DIAPH3: variants seen among roughly 807,000 people sequenced by gnomAD.
The protein encoded by DIAPH3 is diaphanous related formin 3.
Under a neutral mutation model 144.3 loss-of-function variants are expected in DIAPH3, and 117 were observed. The ratio of observed to expected loss-of-function variants is 0.81; its 90% CI spans 0.70 to 0.95. The LOEUF (loss-of-function observed/expected upper bound fraction) is 0.95. DIAPH3 is among the 40% of genes least tolerant of loss of function. The pLI is 0.00. For synonymous variants in DIAPH3, 519 were observed against 488.9 expected, an observed-to-expected ratio of 1.06 and a Z score of -0.81; for missense variants, 1,421 against 1,412.7, an observed-to-expected ratio of 1.01 and a Z score of -0.09.
At chr13:59,843,143 G>T (rs774811619) in intron 22 of DIAPH3, among the ~76,000 whole-genome samples, 1 of 152,142 alleles carries the variant, frequency 6.6e-6, no homozygotes, top group Non-Finnish European at 1.5e-5. Context: ...TACAAAATAT[G>T]TGTCACTCAG....
intron 27 of DIAPH3, among the ~76,000 whole-genome samples, chr13:59,735,398 A>G (rs1357013914): frequency 2.0e-5 from 3 of 152,234 alleles, no homozygotes; most frequent in African/African-American, 7.2e-5. Context: ...ACACCTTACT[A>G]TGCAATCTTC....
intron 5 of DIAPH3, among the ~76,000 whole-genome samples, chr13:60,039,364 C>A (rs1043485092): frequency 8.6e-5 from 13 of 151,548 alleles, no homozygotes; most frequent in African/African-American, 3.2e-4. Flanking sequence ...AGTGCAGTGG[C>A]ATGATCTCAG....
chr13:60,079,664 GA>G (rs199710068), intron 4 of DIAPH3, among the ~76,000 whole-genome samples: 12 of 149,468 alleles, frequency 8.0e-5, no homozygotes, highest in East Asian at 3.9e-4. Flanking sequence ...TCTTATGTGG[GA>G]AAAAAAAAGT....
chr13:59,845,232 C>T (rs1048366566), intron 22 of DIAPH3, among the ~76,000 whole-genome samples: 1 of 151,764 alleles, frequency 6.6e-6, no homozygotes, highest in Non-Finnish European at 1.5e-5. Flanking sequence ...TTAGTAGAGA[C>T]GGGGTTTCAC....
chr13:59,946,389 G>C (rs149792216), intron 17 of DIAPH3, among the ~76,000 whole-genome samples: 82 of 152,230 alleles, frequency 5.4e-4, no homozygotes, highest in Admixed American at 2.2e-3. Context: ...GGAAAGTGAT[G>C]AGAGAAAAAA....
chr13:60,036,497 A>G (rs1353761841), intron 5 of DIAPH3, among the ~76,000 whole-genome samples: 2 of 152,122 alleles, frequency 1.3e-5, no homozygotes, highest in African/African-American at 2.4e-5. Flanking sequence ...ATTGAATAAC[A>G]GGAAAGAAAA....
chr13:59,851,374 C>G (rs1295787194), intron 22 of DIAPH3, among the ~76,000 whole-genome samples: 2 of 152,200 alleles, frequency 1.3e-5, no homozygotes, highest in East Asian at 3.9e-4. Flanking sequence ...CTCTCTACGA[C>G]TCTTTTATGT....
chr13:59,731,875 T>C (rs762642367), intron 27 of DIAPH3, among the ~76,000 whole-genome samples: 1 of 152,200 alleles, frequency 6.6e-6, no homozygotes, highest in Non-Finnish European at 1.5e-5. Flanking sequence ...AATTTGAAGA[T>C]TTTTAACATC....
At chr13:60,163,459 C>A in intron 1 of DIAPH3, 128 bp downstream of exon 1, 7 of 1,311,704 alleles carry the variant, frequency 5.3e-6, no homozygotes, top group Admixed American at 4.7e-5. Flanking sequence ...CGTTGTCAAT[C>A]TATGATCTTT....
intron 5 of DIAPH3, among the ~76,000 whole-genome samples, chr13:60,039,100 A>G (rs1312444870): frequency 6.6e-6 from 1 of 152,010 alleles, no homozygotes; most frequent in Non-Finnish European, 1.5e-5. Flanking sequence ...TGATCTCTAC[A>G]TCAAATCTTC....
chr13:59,925,924 T>C (rs181990888), intron 17 of DIAPH3, among the ~76,000 whole-genome samples: 6 of 152,334 alleles, frequency 3.9e-5, no homozygotes, highest in African/African-American at 1.4e-4. Flanking sequence ...CTTTTTCTTC[T>C]AATGGTTTAT....
chr13:59,798,720 A>T (rs949938067), intron 25 of DIAPH3, among the ~76,000 whole-genome samples: 1 of 152,178 alleles, frequency 6.6e-6, no homozygotes, highest in Non-Finnish European at 1.5e-5. Flanking sequence ...TGCACACCAC[A>T]TTCTTAGGCT....
intron 19 of DIAPH3, 90 bp from the exon 20 acceptor site, chr13:59,911,926 G>A (rs9570230): frequency 9.6e-7 from 1 of 1,039,714 alleles, no homozygotes; most frequent in African/African-American, 1.6e-5. Context: ...AAGAAAACCA[G>A]TGAAGTTAAT....
At chr13:59,675,340 T>C (rs2032586570) in intron 27 of DIAPH3, among the ~76,000 whole-genome samples, 1 of 152,068 alleles carries the variant, frequency 6.6e-6, no homozygotes, top group African/African-American at 2.4e-5. Flanking sequence ...AGTGCTGGAG[T>C]TACAGGTGTG....
At chr13:59,709,851 T>C (rs1264276638) in intron 27 of DIAPH3, among the ~76,000 whole-genome samples, 5 of 152,176 alleles carry the variant, frequency 3.3e-5, no homozygotes, top group African/African-American at 9.6e-5. Flanking sequence ...AACCCAAATG[T>C]CCAACAATGA....
chr13:60,084,960 T>A (rs1055804177), intron 4 of DIAPH3, among the ~76,000 whole-genome samples: 1 of 152,100 alleles, frequency 6.6e-6, no homozygotes, highest in African/African-American at 2.4e-5. Flanking sequence ...AGGATTTTTT[T>A]TTAAGTATGT....
intron 25 of DIAPH3, among the ~76,000 whole-genome samples, chr13:59,796,451 GT>G (rs2039609507): frequency 6.6e-6 from 1 of 152,038 alleles, no homozygotes; most frequent in Non-Finnish European, 1.5e-5. Context: ...ATGAGAAGTT[GT>G]CAGTCTGTTG....
At chr13:60,003,572 G>T (rs1364890161) in intron 9 of DIAPH3, among the ~76,000 whole-genome samples, 3 of 149,822 alleles carry the variant, frequency 2.0e-5, no homozygotes, top group East Asian at 1.9e-4. Context: ...GATAGATATA[G>T]ATATATATAT....
At chr13:59,725,034 G>A (rs149809760) in intron 27 of DIAPH3, among the ~76,000 whole-genome samples, 1 of 152,256 alleles carries the variant, frequency 6.6e-6, no homozygotes, top group East Asian at 1.9e-4. Flanking sequence ...GTGTTCTACT[G>A]CTAAAATCTG....
Sources: gnomAD v4.1 joint callset for allele counts (sites outside exome capture counted in the v4.1 genomes callset) on GRCh38, gnomAD v4.1.1 for gene constraint, MANE v1.5 for transcripts, NCBI Gene and HGNC (gene_info 2026-07-23, HGNC 2026-07-21) for gene names.